TSHZ2: variants seen among roughly 807,000 people sequenced by gnomAD.
TSHZ2 encodes the protein teashirt zinc finger homeobox 2, also known as teashirt homolog 2.
Under a neutral mutation model 74.4 loss-of-function variants are expected in TSHZ2, and 21 were observed. That is an observed-to-expected ratio of 0.28 (90% CI 0.20 to 0.41). The LOEUF (loss-of-function observed/expected upper bound fraction) is 0.41, where lower values mean the gene tolerates loss of function less well. Ranked by LOEUF, TSHZ2 falls within the 10% of genes least tolerant of loss-of-function variation. The pLI, the probability that TSHZ2 is intolerant of heterozygous loss-of-function variation, is 1.00. For missense variants in TSHZ2, 1,244 were observed against 1,293.5 expected (o/e 0.96, Z 0.59); for synonymous variants, 540 against 515.3 (o/e 1.05, Z -0.65).
chr20:53,296,026 T>C (rs1017459142), intron 2 of TSHZ2, among the ~76,000 whole-genome samples: 1 of 141,928 alleles, frequency 7.0e-6, no homozygotes, highest in Admixed American at 7.1e-5. Context: ...TCCAGGTCTG[T>C]AATGACTGCA....
At chr20:53,183,469 G>T (rs976377567) in intron 1 of TSHZ2, among the ~76,000 whole-genome samples, 1 of 152,218 alleles carries the variant, frequency 6.6e-6, no homozygotes, top group Non-Finnish European at 1.5e-5. Context: ...CCAAAGCGGG[G>T]CATAGCCAGG....
intron 1 of TSHZ2, among the ~76,000 whole-genome samples, chr20:53,046,960 G>C (rs1984250773): frequency 6.6e-6 from 1 of 152,180 alleles, no homozygotes; most frequent in Admixed American, 6.5e-5. Context: ...GCTCTAAGGA[G>C]AGGGCAGAGT....
chr20:53,110,830 G>T (rs773854608), intron 1 of TSHZ2, among the ~76,000 whole-genome samples: 3 of 152,100 alleles, frequency 2.0e-5, no homozygotes, highest in Non-Finnish European at 2.9e-5. Context: ...TATAGATGGA[G>T]GCAGAGACTT....
chr20:53,183,543 G>A (rs1424876081), intron 1 of TSHZ2, among the ~76,000 whole-genome samples: 1 of 152,154 alleles, frequency 6.6e-6, no homozygotes, highest in African/African-American at 2.4e-5. Flanking sequence ...CTGTTTGGCA[G>A]GATTCAAGGC....
intron 2 of TSHZ2, among the ~76,000 whole-genome samples, chr20:53,394,651 G>T (rs1287305772): frequency 6.7e-6 from 1 of 150,162 alleles, no homozygotes; most frequent in African/African-American, 2.5e-5. Flanking sequence ...AGTTGCCTGG[G>T]CCTTAATCTC....
At chr20:53,166,644 G>T (rs1459681708) in intron 1 of TSHZ2, among the ~76,000 whole-genome samples, 1 of 152,008 alleles carries the variant, frequency 6.6e-6, no homozygotes, top group Non-Finnish European at 1.5e-5. Flanking sequence ...GGTGGCACAT[G>T]CCTGTAGTCC....
intron 2 of TSHZ2, chr20:53,398,261 G>A (rs1399187264): frequency 6.6e-6 from 1 of 152,152 alleles, no homozygotes; most frequent in East Asian, 1.9e-4. Flanking sequence ...TCACTCCCAG[G>A]TATCAAGCAA....
At chr20:52,995,434 G>A (rs1982147799) in intron 1 of TSHZ2, among the ~76,000 whole-genome samples, 2 of 152,256 alleles carry the variant, frequency 1.3e-5, no homozygotes, top group African/African-American at 4.8e-5. Context: ...CTCTGGCTCT[G>A]TGCATCCAGA....
intron 2 of TSHZ2, among the ~76,000 whole-genome samples, chr20:53,304,925 C>T (rs1568860450): frequency 7.3e-6 from 1 of 136,090 alleles, no homozygotes; most frequent in African/African-American, 2.8e-5. Context: ...CCACTACACA[C>T]GGCCTTAATG....
At chr20:53,089,984 T>C (rs1250374612) in intron 1 of TSHZ2, among the ~76,000 whole-genome samples, 1 of 152,198 alleles carries the variant, frequency 6.6e-6, no homozygotes, top group African/African-American at 2.4e-5. Flanking sequence ...AGCAAAGAAA[T>C]CAGTCCAAAT....
chr20:53,099,094 C>T (rs1339469389), intron 1 of TSHZ2, among the ~76,000 whole-genome samples: 1 of 152,130 alleles, frequency 6.6e-6, no homozygotes, highest in Admixed American at 6.5e-5. Flanking sequence ...TGACCTCCCC[C>T]ACCACCTCCC....
intron 1 of TSHZ2, among the ~76,000 whole-genome samples, chr20:53,243,163 A>G (rs1600763064): frequency 6.6e-6 from 1 of 152,276 alleles, no homozygotes; most frequent in Middle Eastern, 3.4e-3. Flanking sequence ...AGACTTAGAT[A>G]TAGGGAAAGG....
At chr20:53,407,632 A>G (rs1451251239) in intron 2 of TSHZ2, among the ~76,000 whole-genome samples, 3 of 152,200 alleles carry the variant, frequency 2.0e-5, no homozygotes, top group Non-Finnish European at 2.9e-5. Flanking sequence ...TCAGGCTGAG[A>G]TGAGAAAGTA....
intron 1 of TSHZ2, among the ~76,000 whole-genome samples, chr20:53,222,538 AT>A (rs1422201949): frequency 6.6e-6 from 1 of 152,200 alleles, no homozygotes; most frequent in African/African-American, 2.4e-5. Flanking sequence ...AAAGTCTGGA[AT>A]ACCATGTGCA....
chr20:53,382,484 T>C (rs1981895231), intron 2 of TSHZ2, among the ~76,000 whole-genome samples: 1 of 152,110 alleles, frequency 6.6e-6, no homozygotes, highest in Admixed American at 6.5e-5. Context: ...AATGAAGCTG[T>C]CCCAAGATTA....
intron 2 of TSHZ2, among the ~76,000 whole-genome samples, chr20:53,347,516 T>C (rs1196495618): frequency 1.3e-5 from 2 of 152,164 alleles, no homozygotes; most frequent in African/African-American, 4.8e-5. Flanking sequence ...CTTATTCAAC[T>C]TCTCCCTTTT....
chr20:53,302,272 A>C (rs1978341781), intron 2 of TSHZ2, among the ~76,000 whole-genome samples: 1 of 152,182 alleles, frequency 6.6e-6, no homozygotes, highest in Non-Finnish European at 1.5e-5. Flanking sequence ...GCCCGATGTT[A>C]GCAAAGCGTT....
Position 53,434,839 on chromosome 20 carries a change from C to T in TSHZ2, c.*9-52305C>T, listed in dbSNP as rs554173601. ...GTTGTTTGCAATGCTTTGGCCAAGC[C>T]GAGAGCACGCGGATCTGGATGCACA... On this transcript the variant is annotated intron_variant, in intron 2 of 2. Coordinates refer to ENST00000371497, the MANE Select transcript of TSHZ2 (RefSeq NM_173485.6). 3.9e-5 allele frequency among the ~76,000 whole-genome samples: 6 copies of T among 152,328 alleles called. No homozygotes were observed. In the South Asian group the frequency reaches 6.2e-4, roughly 16 times the overall value.
intron 2 of TSHZ2, among the ~76,000 whole-genome samples, chr20:53,484,878 G>T (rs551332686): frequency 2.6e-5 from 4 of 152,224 alleles, no homozygotes; most frequent in Non-Finnish European, 5.9e-5. Context: ...AATGTCATCT[G>T]ATTTTCAATT....
Sources: allele counts gnomAD v4.1 joint callset (sites outside exome capture counted in the v4.1 genomes callset), GRCh38; gene constraint gnomAD v4.1.1; transcripts MANE v1.5; gene names NCBI Gene and HGNC (gene_info 2026-07-23, HGNC 2026-07-21).